KCTD19: variants seen among roughly 807,000 people sequenced by gnomAD.
KCTD19 encodes BTB/POZ domain-containing protein KCTD19.
Under a neutral mutation model 103.5 loss-of-function variants are expected in KCTD19, and 67 were observed. That is an observed-to-expected ratio of 0.65 (90% confidence interval 0.53 to 0.79). The LOEUF (loss-of-function observed/expected upper bound fraction) is 0.79. KCTD19 is among the 30% of genes least tolerant of loss of function. The pLI is 0.00. For missense variants in KCTD19, 980 were observed against 1,136.1 expected, an observed-to-expected ratio of 0.86 and a Z score of 1.98; for synonymous variants, 439 against 452.2, an observed-to-expected ratio of 0.97 and a Z score of 0.37.
chr16:67,298,414 C>T (rs544738389), intron 6 of KCTD19, among the ~76,000 whole-genome samples: 30 of 152,304 alleles, frequency 2.0e-4, no homozygotes, highest in Admixed American at 1.7e-3. Context: ...GGACTAATTT[C>T]ATGTCTCCAG....
rs1406283645 is a variant in KCTD19 at position 67,320,077 on chromosome 16, T to A, written c.300+512A>T. Among the ~76,000 whole-genome samples, 1 of 152,190 alleles carries A rather than the reference T, an allele frequency of 6.6e-6. No individual in the cohort carries two copies. Among genetic ancestry groups the A allele is most frequent in the East Asian group, 1.9e-4 (1 of 5,198 alleles). ...GGCTGCTAGTCTAACTAAAGCACAG[T>A]TGGGATGAAATCATTTATTAAGAAC... On this transcript the variant is annotated intron_variant, in intron 2 of 15. Coordinates refer to ENST00000304372, the MANE Select transcript of KCTD19 (RefSeq NM_001100915.3). The surrounding 1 kb of genome is among the most constrained non-coding windows in gnomAD (Gnocchi z 4.0).
intron 2 of KCTD19, among the ~76,000 whole-genome samples, chr16:67,315,063 G>T (rs996584774): frequency 7.9e-5 from 12 of 151,788 alleles, no homozygotes; most frequent in African/African-American, 2.9e-4. Flanking sequence ...GTCTCACTTT[G>T]TTGCCTAGGC....
intron 2 of KCTD19, among the ~76,000 whole-genome samples, chr16:67,314,843 A>AGAGAGAGAGAGAGG (rs2036990950): frequency 7.6e-6 from 1 of 132,222 alleles, no homozygotes; most frequent in African/African-American, 3.4e-5. Context: ...AGAGAGAGAG[A>AGAGAGAGAGAGAGG]GAGAGAGAGA....
rs894296764 is a variant in KCTD19 at position 67,303,408 on chromosome 16, C to T, written c.452-71G>A. On this transcript the variant is annotated intron_variant, in intron 3 of 15. Transcript: ENST00000304372. The surrounding 1 kb of genome is among the most constrained non-coding windows in gnomAD (Gnocchi z 4.3). The stretch of plus-strand genomic sequence containing the variant: ...GGATCTGATTCCAGCAGGGCTTTCA[C>T]TGACCCAGGGGCCCCAGAGGATGCT... 7.9e-6 allele frequency: 11 copies of T among 1,388,674 alleles called. No individual in the cohort carries two copies. The highest frequency in any genetic ancestry group is 9.8e-6 in the Non-Finnish European group (10 of 1,016,822). The allele number at this position is 1,388,674 out of a possible 1,614,324, so 86.0% of individuals were successfully genotyped here.
At chr16:67,312,258 A>G (rs922686055) in intron 2 of KCTD19, among the ~76,000 whole-genome samples, 1 of 152,218 alleles carries the variant, frequency 6.6e-6, no homozygotes, top group Non-Finnish European at 1.5e-5. Context: ...ACCCTGGTGA[A>G]TGACCCTAAA....
chr16:67,303,255 G>C lies in KCTD19; in HGVS notation c.534C>G (p.Pro178=), dbSNP rs773054579. ...TEEEVHYCFL[P]LDLVAKYPSL... Reference sequence around the variant, plus strand: ...TGGGATATTTGGCCACCAGGTCTAGGGGCAGGAAGCAGTAGTGCACCTCCT... The same window carrying C: ...TGGGATATTTGGCCACCAGGTCTAGCGGCAGGAAGCAGTAGTGCACCTCCT... The change falls in exon 4 of 16, where the codon CCC becomes CCG. Residue 178 remains proline, a synonymous_variant. Transcript: ENST00000304372. The surrounding 1 kb of genome is among the most constrained non-coding windows in gnomAD (Gnocchi z 4.3). 1.7e-5 allele frequency: 28 copies of C among 1,614,086 alleles called. No homozygotes were observed. The highest frequency in any genetic ancestry group is 2.3e-5 in the Non-Finnish European group (27 of 1,179,962).
rs1204758777 is a variant in KCTD19 at position 67,295,320 on chromosome 16, A to C, written c.1334T>G (p.Phe445Cys). ...TCTCAGGAAGTTGAGAATGTGTCGG[A>C]ACATCTGGCCATCCCCGTGGATGAG... is the stretch of plus-strand genomic sequence containing the variant. The part of the protein sequence containing the change: ...TLLIHGDGQM[F>C]RHILNFLRLG... Residue 445 changes from phenylalanine to cysteine, a missense_variant, in exon 9 of 16, where the codon TTC becomes TGC. By Grantham distance (205) the Phe-to-Cys change is radical (BLOSUM62 -2). Transcript: ENST00000304372. 1 of 1,614,082 alleles carries C rather than the reference A, an allele frequency of 6.2e-7. No individual in the cohort carries two copies. Among genetic ancestry groups the C allele is most frequent in the Non-Finnish European group, 8.5e-7 (1 of 1,180,040 alleles).
intron 1 of KCTD19, chr16:67,322,116 T>G (rs2037081059): frequency 6.6e-6 from 1 of 152,146 alleles, no homozygotes; most frequent in African/African-American, 2.4e-5. Context: ...TCAATTGAAT[T>G]TTGATAAGCA....
At chr16:67,326,434 T>C (rs1339571950) in intron 1 of KCTD19, among the ~76,000 whole-genome samples, 1 of 151,844 alleles carries the variant, frequency 6.6e-6, no homozygotes, top group Non-Finnish European at 1.5e-5. Context: ...AGCGCTGAGA[T>C]ATGAAGACCA....
rs771416275 is a variant in KCTD19 at position 67,303,226 on chromosome 16, A to G, written c.563T>C (p.Leu188Pro). ...CCACAGCAGGTTGTCTTCAGTCACT[A>G]GGCTGGGATATTTGGCCACCAGGTC... The part of the protein sequence containing the change: ...PLDLVAKYPS[L>P]VTEDNLLWLA... The change falls in exon 4 of 16, where the codon CTA (leucine) becomes CCA (proline). Residue 188 changes from leucine to proline, a missense_variant. By Grantham distance (98) the Leu-to-Pro change is moderately conservative (BLOSUM62 -3). Transcript: ENST00000304372. This position sits in a 1 kb window ranked among gnomAD's most constrained non-coding sequence, Gnocchi z 4.3. The G allele has an allele frequency of 3.1e-6, 5 of 1,613,556 alleles. No individual in the cohort carries two copies. The South Asian group carries it at 4.4e-5, about 14-fold the overall frequency.
At chr16:67,299,283 G>A (rs2036804724) in intron 6 of KCTD19, 80 bp downstream of exon 6, 1 of 1,352,754 alleles carries the variant, frequency 7.4e-7, no homozygotes, top group African/African-American at 1.4e-5. Context: ...CTGGCTAGTG[G>A]GAAAGGCCCC....
intron 2 of KCTD19, among the ~76,000 whole-genome samples, chr16:67,304,789 G>A (rs1473980792): frequency 4.6e-5 from 7 of 151,590 alleles, no homozygotes; most frequent in African/African-American, 1.5e-4. Context: ...TCAGCCTCTC[G>A]AGTAGCTGGG....
At position 67,304,511 on chromosome 16, in the gene KCTD19, C is replaced by T; in HGVS notation, c.361G>A (p.Val121Ile). 6.2e-7 allele frequency: 1 copy of T among 1,614,000 alleles called. No homozygotes were observed. Among genetic ancestry groups the T allele is most frequent in the East Asian group, 2.2e-5 (1 of 44,890 alleles). The stretch of plus-strand genomic sequence containing the variant: ...TAGTTCAGAGATGCTCTCTCAGCAA[C>T]AGGTAGGTCTGCAGGCCGTACGCGT... ...HLRVRPADLP[V>I]AERASLNYWR... Residue 121 changes from valine (V) to isoleucine (I), a missense_variant, in exon 3 of 16, where the codon GTT becomes ATT. By Grantham distance (29) the Val-to-Ile change is conservative (BLOSUM62 3). Transcript: ENST00000304372.
At chr16:67,297,900 C>T (rs780922235) in intron 6 of KCTD19, among the ~76,000 whole-genome samples, 7 of 152,170 alleles carry the variant, frequency 4.6e-5, no homozygotes, top group Admixed American at 1.3e-4. Flanking sequence ...AAGCAATTCT[C>T]CTGCCTCAGC....
At position 67,304,500 on chromosome 16, in the gene KCTD19, T is replaced by C. The variant is rs1187479877; in HGVS notation, c.372A>G (p.Arg124=). 1 of 1,613,900 alleles carries C rather than the reference T, an allele frequency of 6.2e-7. No homozygotes were observed. Among genetic ancestry groups the C allele is most frequent in the Non-Finnish European group, 8.5e-7 (1 of 1,179,802 alleles). ...ATGTACGCCAGTAGTTCAGAGATGC[T>C]CTCTCAGCAACAGGTAGGTCTGCAG... ...VRPADLPVAE[R]ASLNYWRTWK... The change falls in exon 3 of 16, where the codon AGA becomes AGG. Residue 124 remains arginine, a synonymous_variant. Coordinates refer to ENST00000304372, the MANE Select transcript of KCTD19 (RefSeq NM_001100915.3).
intron 2 of KCTD19, chr16:67,305,406 G>C (rs1239011173): frequency 3.7e-6 from 1 of 269,896 alleles, no homozygotes; most frequent in African/African-American, 2.3e-5. Flanking sequence ...GATGTGGTTG[G>C]TGAGTGTCTT....
At position 67,293,513 on chromosome 16, in the gene KCTD19, A is replaced by G; in HGVS notation, c.2218+31T>C. 6.3e-7 allele frequency: 1 copy of G among 1,598,992 alleles called. No homozygotes were observed. Among genetic ancestry groups the G allele is most frequent in the Middle Eastern group, 1.7e-4 (1 of 5,982 alleles). On this transcript the variant is annotated intron_variant, in intron 12 of 15. Transcript: ENST00000304372. The surrounding 1 kb of genome is among the most constrained non-coding windows in gnomAD (Gnocchi z 4.0). The stretch of plus-strand genomic sequence containing the variant: ...AGAGTTTGCCTTCTCTGTTGTGAAT[A>G]AGACTTAGATCAAAGGGGGACAGGA...
chr16:67,299,017 G>A (rs1280119959), intron 6 of KCTD19, among the ~76,000 whole-genome samples: 14 of 152,380 alleles, frequency 9.2e-5, no homozygotes, highest in Admixed American at 9.1e-4. Context: ...GAGGACCTTT[G>A]TAGAGGGGTC....
At chr16:67,304,307 G>T in intron 3 of KCTD19, 114 bp downstream of exon 3, 2 of 1,030,896 alleles carry the variant, frequency 1.9e-6, no homozygotes, top group Non-Finnish European at 3.0e-6. Flanking sequence ...AGATGACAGA[G>T]ACTGCCTCAG....
Sources: gnomAD v4.1 joint callset for allele counts (sites outside exome capture counted in the v4.1 genomes callset) on GRCh38, gnomAD v4.1.1 for gene constraint, Gnocchi (gnomAD v3.1) non-coding constraint, MANE v1.5 for transcripts, NCBI Gene and HGNC (gene_info 2026-07-23, HGNC 2026-07-21) for gene names.